The following BRINP3 variants were observed in gnomAD, a reference collection of about 807,000 sequenced individuals.
BRINP3 encodes BMP/retinoic acid-inducible neural-specific protein 3.
BRINP3 carries 19 observed loss-of-function variants against 71.0 expected under a neutral mutation model. That is an observed-to-expected ratio of 0.27 (90% CI 0.19 to 0.39). The LOEUF is 0.39. Ranked by LOEUF, BRINP3 falls within the 10% of genes least tolerant of loss-of-function variation. BRINP3 has a pLI of 1.00. For synonymous variants in BRINP3, 380 were observed against 337.7 expected (o/e 1.13, Z -1.37); for missense variants, 959 against 940.8 (o/e 1.02, Z -0.25).
chr1:190,336,255 T>C (rs1353058378), intron 2 of BRINP3, among the ~76,000 whole-genome samples: 1 of 152,090 alleles, frequency 6.6e-6, no homozygotes, highest in Non-Finnish European at 1.5e-5. Flanking sequence ...CTTGAGATAC[T>C]TGGAAGATTA....
chr1:190,226,277 C>G lies in BRINP3; in HGVS notation c.766G>C (p.Val256Leu). Residue 256 changes from valine to leucine, a missense_variant, in exon 6 of 8, where the codon GTA becomes CTA. Physicochemically the swap from Val to Leu is conservative, Grantham distance 32. Transcript: ENST00000367462. Reference protein sequence around the residue: ...LLPDYLQERFVQAALSYIACN... With the variant: ...LLPDYLQERFLQAALSYIACN... ...GCAATGTAGCTCAAAGCTGCTTGTA[C>G]AAAACGTTCCTGAAGATAGTCTGGG... The G allele has an allele frequency of 6.2e-7, 1 of 1,609,300 alleles. No homozygotes were observed.
chr1:190,131,377 A>G (rs1359264607), intron 7 of BRINP3, among the ~76,000 whole-genome samples: 1 of 151,960 alleles, frequency 6.6e-6, no homozygotes, highest in Admixed American at 6.6e-5. Context: ...AGTAATAATA[A>G]CGATAACCAT....
chr1:190,172,855 C>T (rs1379854344), intron 6 of BRINP3, among the ~76,000 whole-genome samples: 1 of 152,146 alleles, frequency 6.6e-6, no homozygotes. Flanking sequence ...GAAATGGCAG[C>T]ATTCCCAGAA....
At chr1:190,420,610 A>C (rs141452245) in intron 2 of BRINP3, among the ~76,000 whole-genome samples, 297 of 152,050 alleles carry the variant, frequency 2.0e-3, no homozygotes, top group African/African-American at 6.9e-3. Context: ...GTAAAGTGTT[A>C]AGTTTTGAAA....
At chr1:190,347,264 C>T (rs946510719) in intron 2 of BRINP3, among the ~76,000 whole-genome samples, 1 of 152,084 alleles carries the variant, frequency 6.6e-6, no homozygotes, top group Non-Finnish European at 1.5e-5. Context: ...CCTCAGCCTC[C>T]CCAGTAGCTG....
chr1:190,420,849 A>C (rs1197841641), intron 2 of BRINP3, among the ~76,000 whole-genome samples: 3 of 151,894 alleles, frequency 2.0e-5, no homozygotes, highest in Non-Finnish European at 4.4e-5. Flanking sequence ...GAATGTTAGA[A>C]AAAGACAATG....
chr1:190,419,483 G>A (rs1309359575), intron 2 of BRINP3, among the ~76,000 whole-genome samples: 1 of 151,834 alleles, frequency 6.6e-6, no homozygotes, highest in Admixed American at 6.6e-5. Context: ...CCTAAACTTG[G>A]TTCTAAAAAT....
chr1:190,174,872 A>G (rs1652364206), intron 6 of BRINP3, among the ~76,000 whole-genome samples: 1 of 152,164 alleles, frequency 6.6e-6, no homozygotes, highest in Admixed American at 6.6e-5. Context: ...TTTGACAGTT[A>G]TCATGTGATT....
intron 2 of BRINP3, among the ~76,000 whole-genome samples, chr1:190,351,380 A>AT (rs1395305267): frequency 4.6e-5 from 7 of 152,058 alleles, no homozygotes; most frequent in African/African-American, 1.7e-4. Context: ...AATACTTGTA[A>AT]TTTTTTCAAT....
rs551617951 is a variant in BRINP3, at chr1:190,125,228, A to G, written c.1185-26094T>C. Among the ~76,000 whole-genome samples, 3 of 152,040 alleles carry G rather than the reference A, an allele frequency of 2.0e-5. No homozygotes were observed. In the South Asian group the frequency reaches 6.2e-4, roughly 32 times the overall value. ...AAACAGAGTAAAGAGCTCTGTCATC[A>G]AGTACTTTCTAAAGAGGTAATAGTG... On this transcript the variant is annotated intron_variant, in intron 7 of 7. Transcript: ENST00000367462.
intron 4 of BRINP3, among the ~76,000 whole-genome samples, chr1:190,251,688 C>T (rs1660153770): frequency 6.6e-6 from 1 of 151,856 alleles, no homozygotes; most frequent in African/African-American, 2.4e-5. Flanking sequence ...GACTGTGTAA[C>T]ATCTACTGAC....
intron 2 of BRINP3, among the ~76,000 whole-genome samples, chr1:190,382,382 T>C (rs1402238900): frequency 6.6e-6 from 1 of 152,116 alleles, no homozygotes; most frequent in Admixed American, 6.6e-5. Flanking sequence ...GCATATTCAA[T>C]AGCTGCTAAG....
intron 6 of BRINP3, 132 bp from the exon 7 acceptor site, chr1:190,161,022 C>T (rs1657309866): frequency 3.3e-6 from 2 of 603,772 alleles, no homozygotes; most frequent in Admixed American, 3.5e-5. Context: ...AAATACAGTG[C>T]CTCATTTGTG....
intron 6 of BRINP3, among the ~76,000 whole-genome samples, chr1:190,217,556 A>C (rs1257266282): frequency 2.0e-5 from 3 of 151,994 alleles, no homozygotes; most frequent in African/African-American, 7.2e-5. Context: ...TATACCCTGA[A>C]ATTAAAAATA....
At chr1:190,243,806 TTC>T (rs1449637740) in intron 4 of BRINP3, among the ~76,000 whole-genome samples, 3 of 152,162 alleles carry the variant, frequency 2.0e-5, no homozygotes, top group Non-Finnish European at 4.4e-5. Context: ...CAGGGTAATT[TTC>T]TGTTTCTTTA....
chr1:190,299,589 C>T (rs1385571161), intron 2 of BRINP3, among the ~76,000 whole-genome samples: 46 of 118,458 alleles, frequency 3.9e-4, no homozygotes, highest in Admixed American at 2.9e-3. Flanking sequence ...CCCCCTCCCC[C>T]CACCCCACAA....
chr1:190,390,130 T>A (rs1437085461), intron 2 of BRINP3, among the ~76,000 whole-genome samples: 1 of 151,670 alleles, frequency 6.6e-6, no homozygotes, highest in African/African-American at 2.4e-5. Flanking sequence ...CAGTGAACAA[T>A]TACAGCAGGT....
At chr1:190,137,163 A>T (rs910249625) in intron 7 of BRINP3, among the ~76,000 whole-genome samples, 3 of 151,938 alleles carry the variant, frequency 2.0e-5, no homozygotes, top group African/African-American at 7.3e-5. Context: ...TAATCTCTAG[A>T]CTCCACTGAA....
rs762331502 is a variant in BRINP3 at position 190,454,798 on chromosome 1, C to T, written c.93G>A (p.Ala31=). The T allele has an allele frequency of 9.3e-6, 15 of 1,613,990 alleles. No homozygotes were observed. Among genetic ancestry groups the T allele is most frequent in the South Asian group, 6.6e-5 (6 of 91,078 alleles). The change falls in exon 2 of 8, where the codon GCG becomes GCA. Residue 31 remains alanine, a synonymous_variant. Coordinates refer to ENST00000367462, the MANE Select transcript of BRINP3 (RefSeq NM_199051.3). The part of the protein sequence containing the change: ...IALSLHCWVL[A]VAAVSDQHAT... Reference sequence around the variant, plus strand: ...CATGCTGATCCGAAACAGCAGCAACCGCTAAAACCCAGCAATGAAGACTCA... The same window carrying T: ...CATGCTGATCCGAAACAGCAGCAACTGCTAAAACCCAGCAATGAAGACTCA...
Sources: gnomAD v4.1 joint callset for allele counts (sites outside exome capture counted in the v4.1 genomes callset) on GRCh38, gnomAD v4.1.1 for gene constraint, MANE v1.5 for transcripts, NCBI Gene and HGNC (gene_info 2026-07-23, HGNC 2026-07-21) for gene names.